The following TET1 variants were observed in gnomAD, a reference collection of about 807,000 sequenced individuals.
The protein encoded by TET1 is methylcytosine dioxygenase TET1.
A neutral mutation model predicts 148.7 loss-of-function variants in TET1; 13 were observed. That is an observed-to-expected ratio of 0.09 (90% CI 0.06 to 0.14). The LOEUF is 0.14. TET1 is among the 10% of genes least tolerant of loss of function. TET1 has a pLI of 1.00. For missense variants in TET1, 2,182 were observed against 2,553.8 expected (o/e 0.85, Z 3.14); for synonymous variants, 907 against 937.2 (o/e 0.97, Z 0.59).
intron 3 of TET1, among the ~76,000 whole-genome samples, chr10:68,614,280 G>A (rs1156261703): frequency 6.6e-6 from 1 of 152,124 alleles, no homozygotes; most frequent in Admixed American, 6.6e-5. Context: ...ATACTATAAG[G>A]TCTAACAGCT....
chr10:68,623,332 T>C (rs2132980308), intron 3 of TET1, among the ~76,000 whole-genome samples: 1 of 152,356 alleles, frequency 6.6e-6, no homozygotes, highest in African/African-American at 2.4e-5. Flanking sequence ...CTATTTATTT[T>C]ATTCTATGGG....
chr10:68,691,702 A>C lies in TET1; in HGVS notation c.6299A>C (p.Glu2100Ala), dbSNP rs1489365252. The stretch of plus-strand genomic sequence containing the variant: ...CCAGAACAGTCCTCTGAAGTAAATG[A>C]ATTGAACCAAATTCCTTCTCATAAA... ...EGPEQSSEVN[E>A]LNQIPSHKAL... The change falls in exon 12 of 12, where the codon GAA becomes GCA. Residue 2100 changes from glutamate to alanine, a missense_variant. Glu to Ala is a moderately radical substitution (Grantham distance 107, BLOSUM62 -1). Around this residue, in one of 11 missense-constraint regions of TET1, gnomAD observed 54 missense variants for 44.4 expected, o/e 1.22. Transcript: ENST00000373644. The surrounding 1 kb of genome is among the most constrained non-coding windows in gnomAD (Gnocchi z 4.4). 1 of 1,614,196 alleles carries C rather than the reference A, an allele frequency of 6.2e-7. No individual in the cohort carries two copies. The highest frequency in any genetic ancestry group is 2.2e-5 in the East Asian group (1 of 44,886).
intron 3 of TET1, among the ~76,000 whole-genome samples, chr10:68,641,744 G>T (rs943339601): frequency 1.3e-5 from 2 of 152,062 alleles, no homozygotes; most frequent in East Asian, 1.9e-4. Flanking sequence ...CTCGTGATCC[G>T]CTCACGTTTG....
chr10:68,584,143 G>A (rs1447255028), intron 2 of TET1, among the ~76,000 whole-genome samples: 7 of 151,232 alleles, frequency 4.6e-5, no homozygotes, highest in African/African-American at 9.7e-5. Flanking sequence ...AGGTTCAAGC[G>A]ATTCTCCTGT....
intron 6 of TET1, among the ~76,000 whole-genome samples, chr10:68,658,436 C>G (rs972475131): frequency 1.3e-5 from 2 of 152,092 alleles, no homozygotes; most frequent in Non-Finnish European, 2.9e-5. Flanking sequence ...ACCGCGACAG[C>G]CCTCTTGTCT....
At position 68,691,320 on chromosome 10, in the gene TET1, G is replaced by C; in HGVS notation, c.5917G>C (p.Glu1973Gln). ...HSEADEPPSD[E>Q]PLSDDPLSPA... ...TGAAGCAGATGAGCCTCCATCAGAC[G>C]AACCCCTATCTGATGACCCCCTGTC... The change falls in exon 12 of 12, where the codon GAA becomes CAA. Residue 1973 changes from glutamate (E) to glutamine (Q), a missense_variant. This residue lies in a region of TET1 where 380 missense variants were observed against 387.9 expected (regional missense o/e 0.98). Coordinates refer to ENST00000373644, the MANE Select transcript of TET1 (RefSeq NM_030625.3). The surrounding 1 kb of genome is among the most constrained non-coding windows in gnomAD (Gnocchi z 4.4). The C allele has an allele frequency of 6.2e-7, 1 of 1,614,160 alleles. No homozygotes were observed. The highest frequency in any genetic ancestry group is 1.1e-5 in the South Asian group (1 of 91,084).
chr10:68,636,914 C>T (rs369945776), intron 3 of TET1, among the ~76,000 whole-genome samples: 3 of 152,002 alleles, frequency 2.0e-5, no homozygotes, highest in South Asian at 2.1e-4. Context: ...AGAGGCAAAG[C>T]TCCAAGAATA....
chr10:68,581,125 T>C (rs2053792654), intron 2 of TET1, among the ~76,000 whole-genome samples: 1 of 152,200 alleles, frequency 6.6e-6, no homozygotes, highest in African/African-American at 2.4e-5. Flanking sequence ...TTAGACTTTA[T>C]TAAGTCATAG....
chr10:68,669,543 A>G (rs1244050615), intron 7 of TET1, among the ~76,000 whole-genome samples: 1 of 133,854 alleles, frequency 7.5e-6, no homozygotes, highest in Admixed American at 8.4e-5. Flanking sequence ...TTTAGTAGAG[A>G]CGGGGTTTCA....
chr10:68,600,457 GC>G (rs1440251145), intron 2 of TET1, among the ~76,000 whole-genome samples: 1 of 152,170 alleles, frequency 6.6e-6, no homozygotes, highest in Non-Finnish European at 1.5e-5. Flanking sequence ...TGTGGTGAGA[GC>G]CGAGCCGCAC....
Position 68,690,855 on chromosome 10 carries a change from C to A in TET1, c.5452C>A (p.Pro1818Thr), listed in dbSNP as rs1488687547. 1.2e-6 allele frequency: 2 copies of A among 1,613,290 alleles called. No individual in the cohort carries two copies. The highest frequency in any genetic ancestry group is 1.7e-6 in the Non-Finnish European group (2 of 1,179,332). ...VQPEVKSETE[P>T]HFILKSSDNT... ...ACCTGAAGTAAAAAGTGAAACCGAA[C>A]CCCATTTTATCTTAAAAAGTTCAGA... Residue 1818 changes from proline to threonine, a missense_variant, in exon 12 of 12, where the codon CCC (proline) becomes ACC (threonine). Transcript: ENST00000373644.
intron 3 of TET1, among the ~76,000 whole-genome samples, chr10:68,615,466 T>A (rs1304706096): frequency 1.3e-5 from 2 of 151,532 alleles, no homozygotes; most frequent in African/African-American, 4.8e-5. Context: ...CTGCCTCAGC[T>A]TCCTGAGTAG....
intron 6 of TET1, among the ~76,000 whole-genome samples, chr10:68,666,195 A>G (rs1388681039): frequency 6.6e-6 from 1 of 151,898 alleles, no homozygotes; most frequent in African/African-American, 2.4e-5. Context: ...TTAACATCCC[A>G]ATAATTGGAT....
In TET1 at chr10:68,620,144, A is replaced by G. The variant is rs141192334; in HGVS notation, c.1968+19110A>G. 3.4e-4 allele frequency among the ~76,000 whole-genome samples: 52 copies of G among 152,316 alleles called. No homozygotes were observed. The East Asian group carries it at 0.01, about 29-fold the overall frequency. The stretch of plus-strand genomic sequence containing the variant: ...CAGGAGGCGGAGATTGCAGTGAGCC[A>G]GGCACTCCAGCTTGAGCGACAGAGC... On this transcript the variant is annotated intron_variant, in intron 3 of 11. Coordinates refer to ENST00000373644, the MANE Select transcript of TET1 (RefSeq NM_030625.3).
chr10:68,586,246 C>T (rs368765337), intron 2 of TET1, among the ~76,000 whole-genome samples: 2 of 152,042 alleles, frequency 1.3e-5, no homozygotes, highest in Non-Finnish European at 2.9e-5. Flanking sequence ...GGTGCAATCT[C>T]GGCTCACTGC....
At chr10:68,603,095 C>T (rs193181458) in intron 3 of TET1, among the ~76,000 whole-genome samples, 81 of 152,252 alleles carry the variant, frequency 5.3e-4, no homozygotes, top group African/African-American at 1.8e-3. Context: ...AGGACTTCAA[C>T]ATTCTAGGAG....
intron 2 of TET1, among the ~76,000 whole-genome samples, chr10:68,585,751 C>T (rs1275265558): frequency 1.3e-5 from 2 of 151,904 alleles, no homozygotes; most frequent in African/African-American, 4.8e-5. Flanking sequence ...TGGCGCACAC[C>T]TGTAATCTCA....
chr10:68,660,248 A>T (rs1206556616), intron 6 of TET1, among the ~76,000 whole-genome samples: 1 of 152,258 alleles, frequency 6.6e-6, no homozygotes, highest in Non-Finnish European at 1.5e-5. Flanking sequence ...ATAATCTTTT[A>T]AAAAAATTAT....
Position 68,572,749 on chromosome 10 carries a change from A to C in TET1, c.411A>C (p.Gln137His). ...CACTTTCTAAGGGTTTAGAAAAGCA[A>C]CATGATTGTGATTATAAGATACTCC... ...KVPLSKGLEK[Q>H]HDCDYKILPA... Residue 137 changes from glutamine to histidine, a missense_variant, in exon 2 of 12, where the codon CAA becomes CAC. Gln to His is a conservative substitution (Grantham distance 24). Coordinates refer to ENST00000373644, the MANE Select transcript of TET1 (RefSeq NM_030625.3). The C allele has an allele frequency of 6.2e-7, 1 of 1,614,178 alleles. No homozygotes were observed. Among genetic ancestry groups the C allele is most frequent in the Non-Finnish European group, 8.5e-7 (1 of 1,180,034 alleles).
Sources: allele counts gnomAD v4.1 joint callset (sites outside exome capture counted in the v4.1 genomes callset), GRCh38; gene constraint gnomAD v4.1.1; regional missense constraint gnomAD v4.1.1; non-coding constraint Gnocchi (gnomAD v3.1); transcripts MANE v1.5; gene names NCBI Gene and HGNC (gene_info 2026-07-23, HGNC 2026-07-21).